LTF: variants seen among roughly 807,000 people sequenced by gnomAD.
LTF encodes the protein lactotransferrin.
LTF carries 91 observed loss-of-function variants against 87.2 expected under a neutral mutation model. The ratio of observed to expected loss-of-function variants is 1.04; its 90% CI spans 0.88 to 1.24. LTF has a LOEUF of 1.24. Ranked by LOEUF, LTF falls within the 50% of genes most tolerant of loss-of-function variation. LTF has a pLI of 0.00. For missense variants in LTF, 901 were observed against 904.3 expected, an observed-to-expected ratio of 1.00 and a Z score of 0.05; for synonymous variants, 378 against 356.1, an observed-to-expected ratio of 1.06 and a Z score of -0.69.
intron 10 of LTF, among the ~76,000 whole-genome samples, chr3:46,446,710 C>G (rs1467854868): frequency 6.6e-6 from 1 of 152,212 alleles, no homozygotes; most frequent in East Asian, 1.9e-4. Context: ...ACTCAAATGC[C>G]CATCCACACT....
chr3:46,460,279 C>G (rs4683234), intron 1 of LTF, among the ~76,000 whole-genome samples: 70,219 of 152,040 alleles, frequency 0.46, 18,582 homozygotes, highest in African/African-American at 0.73. Context: ...TGAGAATCCA[C>G]GTCTCTCTAG....
In LTF at chr3:46,459,653, C is replaced by T. The variant is rs879041565; in HGVS notation, c.207+3G>A. Reference sequence around the variant, plus strand: ...TCCCAACCAACACCCGGCATTGACTCACCGCAATGGCCTGGATACACTGGA... The same window carrying T: ...TCCCAACCAACACCCGGCATTGACTTACCGCAATGGCCTGGATACACTGGA... On this transcript the variant is annotated splice_donor_region_variant and intron_variant, in intron 2 of 16. Coordinates refer to ENST00000231751, the MANE Select transcript of LTF (RefSeq NM_002343.6). The T allele has an allele frequency of 1.4e-6, 2 of 1,445,658 alleles. No homozygotes were observed. The highest frequency in any genetic ancestry group is 1.5e-5 in the African/African-American group (1 of 67,510). The allele number at this position is 1,445,658 out of a possible 1,614,324, so 89.6% of individuals were successfully genotyped here.
intron 6 of LTF, chr3:46,453,955 A>G (rs1177188109): frequency 7.3e-6 from 2 of 273,212 alleles, no homozygotes; most frequent in Admixed American, 9.3e-5. Flanking sequence ...AGAAAACCCA[A>G]GTAGCAGGAT....
chr3:46,460,656 G>A (rs560524660), intron 1 of LTF: 2 of 450,398 alleles, frequency 4.4e-6, no homozygotes, highest in East Asian at 7.0e-5. Flanking sequence ...CTAAGATCAG[G>A]AATGATGAGA....
Position 46,458,436 on chromosome 3 carries a change from G to A in LTF, c.207+1220C>T, listed in dbSNP as rs190799182. Among the ~76,000 whole-genome samples, 3 of 152,336 alleles carry A rather than the reference G, an allele frequency of 2.0e-5. No individual in the cohort carries two copies. The East Asian group carries it at 5.8e-4, about 29-fold the overall frequency. On this transcript the variant is annotated intron_variant, in intron 2 of 16. Coordinates refer to ENST00000231751, the MANE Select transcript of LTF (RefSeq NM_002343.6). The stretch of plus-strand genomic sequence containing the variant: ...GACGAGATCAGACGCGTTCAGCGTG[G>A]TATGGCCTTGGACAGGATCTTATTT...
At chr3:46,468,022 C>G (rs989412113), upstream of LTF, among the ~76,000 whole-genome samples, 2 of 152,166 alleles carry the variant, frequency 1.3e-5, no homozygotes, top group Admixed American at 6.5e-5. Flanking sequence ...CCAAACCCAC[C>G]AAAGAGCCGC....
At chr3:46,444,709 T>C (rs2106845257) in intron 12 of LTF, among the ~76,000 whole-genome samples, 1 of 152,252 alleles carries the variant, frequency 6.6e-6, no homozygotes, top group African/African-American at 2.4e-5. Flanking sequence ...GGGAGTCACA[T>C]TGAGGATGTG....
intron 13 of LTF, 31 bp downstream of exon 13, chr3:46,443,410 C>G (rs1355954148): frequency 8.7e-6 from 14 of 1,612,440 alleles, no homozygotes; most frequent in Non-Finnish European, 1.2e-5. Context: ...AGGTAAGTCC[C>G]CATCCTGATG....
intron 6 of LTF, among the ~76,000 whole-genome samples, 197 bp from the exon 7 acceptor site, chr3:46,450,870 G>A (rs560830836): frequency 1.2e-4 from 18 of 152,258 alleles, no homozygotes; most frequent in South Asian, 8.3e-4. Context: ...GGGGGCAGCC[G>A]AGGTGTGATC....
At chr3:46,468,341 G>A (rs1703242029), upstream of LTF, 1 of 456,692 alleles carries the variant, frequency 2.2e-6, no homozygotes, top group South Asian at 1.5e-5. Context: ...CAGAATGCAG[G>A]TTTCCAAATG....
chr3:46,459,547 G>T, intron 2 of LTF, 109 bp downstream of exon 2: 2 of 1,116,006 alleles, frequency 1.8e-6, no homozygotes, highest in Non-Finnish European at 2.4e-6. Context: ...CCACTTCGTT[G>T]CCCAACAGGT....
At position 46,451,744 on chromosome 3, in the gene LTF, G is replaced by A. The variant is rs150076951; in HGVS notation, c.704-1071C>T. Reference sequence around the variant, plus strand: ...CAAGTAGCTGGGACCACAAGCGCACGCCACCAGGCCCAGCTAATTTTTGTA... The same window carrying A: ...CAAGTAGCTGGGACCACAAGCGCACACCACCAGGCCCAGCTAATTTTTGTA... On this transcript the variant is annotated intron_variant, in intron 6 of 16. Coordinates refer to ENST00000231751, the MANE Select transcript of LTF (RefSeq NM_002343.6). Among the ~76,000 whole-genome samples the A allele has an allele frequency of 1.8e-3, 279 of 152,160 alleles. 6 individuals are homozygous for A. In the East Asian group the frequency reaches 0.043, roughly 23 times the overall value.
At chr3:46,466,199 C>T (rs1703209971), upstream of LTF, among the ~76,000 whole-genome samples, 1 of 151,810 alleles carries the variant, frequency 6.6e-6, no homozygotes, top group Non-Finnish European at 1.5e-5. Flanking sequence ...ATGATCATGT[C>T]ACTGCACTGC....
At position 46,464,869 on chromosome 3, in the gene LTF, T is replaced by C. The variant is rs747341537; in HGVS notation, c.-2A>G. 3 of 1,613,998 alleles carry C rather than the reference T, an allele frequency of 1.9e-6. No individual in the cohort carries two copies. Among genetic ancestry groups the C allele is most frequent in the Non-Finnish European group, 1.7e-6 (2 of 1,179,986 alleles). ...CAGGACGAGGAAGACAAGTTTCATG[T>C]CTGCGGTCTGGAGGCGACTTGGCAA... On this transcript the variant is annotated 5_prime_UTR_variant, in exon 1 of 17. Coordinates refer to ENST00000231751, the MANE Select transcript of LTF (RefSeq NM_002343.6).
At chr3:46,455,512 C>T in intron 4 of LTF, 70 bp from the exon 5 acceptor site, 1 of 1,581,448 alleles carries the variant, frequency 6.3e-7, no homozygotes, top group Non-Finnish European at 8.7e-7. Context: ...CACCTCCCAT[C>T]CTGAGGTCTC....
chr3:46,464,940 G>A (rs2106908756), upstream of LTF: 1 of 1,511,376 alleles, frequency 6.6e-7, no homozygotes, highest in Non-Finnish European at 9.2e-7. Flanking sequence ...CTTTATTCAG[G>A]GCTTTGCCCC....
Position 46,459,791 on chromosome 3 carries a change from A to ACGC in LTF, c.71_72insGCG (p.Ser24delinsArgArg). On this transcript the variant is annotated protein_altering_variant, in exon 2 of 17. Transcript: ENST00000231751. ...GTTGGGATACGGCGCACCACTGAAC[A>ACGC]CTCCTCCTACGGCCAGCCAGACACA... 1 of 1,391,052 alleles carries ACGC rather than the reference A, an allele frequency of 7.2e-7. No homozygotes were observed. The highest frequency in any genetic ancestry group is 3.3e-5 in the African/African-American group (1 of 30,372). The allele number at this position is 1,391,052 out of a possible 1,614,324, so 86.2% of individuals were successfully genotyped here.
intron 1 of LTF, chr3:46,463,416 C>A (rs6786341): frequency 1.0e-6 from 1 of 970,522 alleles, no homozygotes. Flanking sequence ...AATGCTCACA[C>A]GGCTTAGATC....
intron 11 of LTF, among the ~76,000 whole-genome samples, chr3:46,445,807 A>T (rs760168477): frequency 3.9e-5 from 6 of 152,226 alleles, no homozygotes; most frequent in Non-Finnish European, 7.3e-5. Context: ...CACCAACCAC[A>T]GTGTGCATCA....
Sources: allele counts gnomAD v4.1 joint callset (sites outside exome capture counted in the v4.1 genomes callset), GRCh38; gene constraint gnomAD v4.1.1; transcripts MANE v1.5; gene names NCBI Gene and HGNC (gene_info 2026-07-23, HGNC 2026-07-21).